DOCK8: variants seen among roughly 807,000 people sequenced by gnomAD.
DOCK8 encodes dedicator of cytokinesis 8, also known as dedicator of cytokinesis protein 8.
In DOCK8, 141 loss-of-function variants were observed where a neutral mutation model predicts 245.6. That is an observed-to-expected ratio of 0.57 (90% CI 0.50 to 0.66). The LOEUF is 0.66. Ranked by LOEUF, DOCK8 falls within the 30% of genes least tolerant of loss-of-function variation. DOCK8 has a pLI of 0.00. For synonymous variants in DOCK8, 1,168 were observed against 970.2 expected, an observed-to-expected ratio of 1.20 and a Z score of -3.79; for missense variants, 2,965 against 2,603.4, an observed-to-expected ratio of 1.14 and a Z score of -3.02.
intron 2 of DOCK8, among the ~76,000 whole-genome samples, chr9:283,674 TTAAGA>T (rs1482528670): frequency 6.6e-6 from 1 of 152,256 alleles, no homozygotes; most frequent in Non-Finnish European, 1.5e-5. Flanking sequence ...GTTTTTTCAC[TTAAGA>T]TAATGGCCTC....
chr9:250,753 A>G (rs2047625114), intron 1 of DOCK8, among the ~76,000 whole-genome samples: 1 of 152,234 alleles, frequency 6.6e-6, no homozygotes, highest in African/African-American at 2.4e-5. Flanking sequence ...ATGACGGATT[A>G]GAAGGTCAAC....
intron 8 of DOCK8, among the ~76,000 whole-genome samples, chr9:327,178 A>G (rs1391258635): frequency 6.6e-6 from 1 of 152,000 alleles, no homozygotes; most frequent in Admixed American, 6.6e-5. Flanking sequence ...TCATACTCTA[A>G]TCTCTCCCTG....
In DOCK8 at chr9:308,288, A is replaced by G. The variant is rs568987883; in HGVS notation, c.528+3584A>G. Among the ~76,000 whole-genome samples the G allele has an allele frequency of 1.0e-4, 16 of 152,386 alleles. 1 individual carries two copies. The South Asian group carries it at 3.3e-3, about 32-fold the overall frequency. Reference sequence around the variant, plus strand: ...GATTTGATCATTACACATTGTACACAGGTATTGAGATATTACACTGTATTC... The same window carrying G: ...GATTTGATCATTACACATTGTACACGGGTATTGAGATATTACACTGTATTC... On this transcript the variant is annotated intron_variant, in intron 5 of 47. Transcript: ENST00000432829.
At chr9:429,535 T>C (rs1416840965) in intron 35 of DOCK8, among the ~76,000 whole-genome samples, 167 bp from the exon 36 acceptor site, 1 of 152,254 alleles carries the variant, frequency 6.6e-6, no homozygotes, top group Non-Finnish European at 1.5e-5. Context: ...GTCTACTCCA[T>C]TGCTTAAATC....
chr9:434,182 T>G (rs965559745), intron 38 of DOCK8, among the ~76,000 whole-genome samples: 2 of 152,154 alleles, frequency 1.3e-5, no homozygotes, highest in Admixed American at 6.5e-5. Context: ...TGAGGCATAA[T>G]AATGTTATTA....
intron 1 of DOCK8, among the ~76,000 whole-genome samples, chr9:261,255 A>G (rs992594876): frequency 1.8e-4 from 27 of 152,244 alleles, no homozygotes; most frequent in African/African-American, 6.5e-4. Context: ...AATAGCTTAT[A>G]TAACTATGTC....
At chr9:388,107 G>A (rs1300179285) in intron 23 of DOCK8, among the ~76,000 whole-genome samples, 1 of 152,140 alleles carries the variant, frequency 6.6e-6, no homozygotes, top group Non-Finnish European at 1.5e-5. Flanking sequence ...TAAGACCCTG[G>A]CAGACAAACT....
At chr9:251,972 CT>C (rs34456943) in intron 1 of DOCK8, among the ~76,000 whole-genome samples, 10,836 of 130,490 alleles carry the variant, frequency 0.083, 1,062 homozygotes, top group African/African-American at 0.28. Context: ...ATTGTGTTTT[CT>C]TTTTTTTTTT....
intron 14 of DOCK8, among the ~76,000 whole-genome samples, chr9:361,131 C>T (rs1382181231): frequency 6.6e-6 from 1 of 152,144 alleles, no homozygotes; most frequent in African/African-American, 2.4e-5. Context: ...CACGCCACAG[C>T]ACTCCAGCCC....
chr9:215,345 A>G (rs985551985), intron 1 of DOCK8: 1 of 1,601,718 alleles, frequency 6.2e-7, no homozygotes, highest in Non-Finnish European at 8.5e-7. Flanking sequence ...GGGTCCCAGA[A>G]GGGTGATAGG....
At chr9:291,648 C>G (rs566003840) in intron 4 of DOCK8, among the ~76,000 whole-genome samples, 1 of 151,928 alleles carries the variant, frequency 6.6e-6, no homozygotes, top group East Asian at 1.9e-4. Flanking sequence ...GCTTAAAATG[C>G]AAAAACATCC....
chr9:306,880 G>A (rs963494077), intron 5 of DOCK8, among the ~76,000 whole-genome samples: 9 of 152,204 alleles, frequency 5.9e-5, no homozygotes, highest in African/African-American at 1.2e-4. Context: ...AAATCCCTGA[G>A]AAGGTACTGC....
At chr9:411,437 T>TAC (rs1564030463) in intron 28 of DOCK8, among the ~76,000 whole-genome samples, 280 of 151,496 alleles carry the variant, frequency 1.8e-3, no homozygotes, top group African/African-American at 6.4e-3. Context: ...AATAATAATA[T>TAC]ATTTTAAAAT....
chr9:257,120 TG>T (rs1214765343), intron 1 of DOCK8, among the ~76,000 whole-genome samples: 1 of 152,208 alleles, frequency 6.6e-6, no homozygotes, highest in East Asian at 1.9e-4. Flanking sequence ...TAAGAAGCAT[TG>T]TTTCCATCCT....
intron 31 of DOCK8, 44 bp downstream of exon 31, chr9:420,627 A>G (rs1188341713): frequency 3.7e-6 from 6 of 1,610,464 alleles, no homozygotes; most frequent in Non-Finnish European, 5.1e-6. Flanking sequence ...CTTATCTCTC[A>G]ATTGCAATTC....
rs1231122613 is a variant in DOCK8 at position 439,199 on chromosome 9, A to C, written c.5080-46A>C. On this transcript the variant is annotated intron_variant, in intron 39 of 47. Transcript: ENST00000432829. The stretch of plus-strand genomic sequence containing the variant: ...TTCGGGGTTCCTGTGGTCTCTTACT[A>C]GTCTGGTCGCCCTGTTCTCCAGGCT... 1.9e-6 allele frequency: 3 copies of C among 1,613,440 alleles called. No homozygotes were observed. The East Asian group carries it at 6.7e-5, about 36-fold the overall frequency.
At chr9:214,265 C>A, upstream of DOCK8, 4 of 499,278 alleles carry the variant, frequency 8.0e-6, no homozygotes, top group South Asian at 4.9e-5. Flanking sequence ...ATCGCAAGAA[C>A]GCCGCCTTCA....
chr9:375,589 T>A (rs1322122711), intron 18 of DOCK8, among the ~76,000 whole-genome samples: 3 of 152,226 alleles, frequency 2.0e-5, no homozygotes, highest in African/African-American at 7.2e-5. Flanking sequence ...GAATCCAGAA[T>A]CATCAATGCT....
chr9:449,369 A>G (rs967600388), intron 44 of DOCK8, among the ~76,000 whole-genome samples: 5 of 125,520 alleles, frequency 4.0e-5, no homozygotes, highest in African/African-American at 8.0e-5. Flanking sequence ...AAATAAATAA[A>G]TAAGTAAGTT....
Sources: allele counts gnomAD v4.1 joint callset (sites outside exome capture counted in the v4.1 genomes callset), GRCh38; gene constraint gnomAD v4.1.1; transcripts MANE v1.5; gene names NCBI Gene and HGNC (gene_info 2026-07-23, HGNC 2026-07-21).